Variants in OTOF observed in about 807,000 individuals in gnomAD.
The protein encoded by OTOF is otoferlin.
A neutral mutation model predicts 236.8 loss-of-function variants in OTOF; 218 were observed. The observed-to-expected ratio is 0.92, with a 90% CI of 0.82 to 1.03. OTOF has a LOEUF of 1.03. Among genes scored for constraint, OTOF ranks in the 50% least tolerant of loss-of-function variants. The pLI, the probability that OTOF is intolerant of heterozygous loss-of-function variation, is 0.00. For synonymous variants in OTOF, 1,041 were observed against 1,072.5 expected, an observed-to-expected ratio of 0.97 and a Z score of 0.57; for missense variants, 2,590 against 2,694.4, an observed-to-expected ratio of 0.96 and a Z score of 0.86.
rs111033350 is a variant in OTOF, at chr2:26,480,975, G to T, written c.1614C>A (p.Asn538Lys). The change falls in exon 15 of 47, where the codon AAC becomes AAA. Residue 538 changes from asparagine to lysine, a missense_variant. Asn to Lys is a moderately conservative substitution (Grantham distance 94, BLOSUM62 0). Coordinates refer to ENST00000272371, the MANE Select transcript of OTOF (RefSeq NM_194248.3). ...FLPTLGPAWV[N>K]MYGSTRNYTL... is the part of the protein sequence containing the mutation. ...TGTAGTTACGTGTGGAGCCGTACAT[G>T]TTCACCCAGGCTGGGCCCAGTGTGG... 1.2e-6 allele frequency: 2 copies of T among 1,609,072 alleles called. No homozygotes were observed. The highest frequency in any genetic ancestry group is 2.7e-5 in the African/African-American group (2 of 73,578).
chr2:26,498,717 G>A (rs1028700200), intron 8 of OTOF, among the ~76,000 whole-genome samples: 1 of 152,150 alleles, frequency 6.6e-6, no homozygotes, highest in Non-Finnish European at 1.5e-5. Flanking sequence ...CCCTGTCCTG[G>A]GAAAACCCGA....
chr2:26,460,742 C>T lies in OTOF; in HGVS notation c.5718G>A (p.Lys1906=), dbSNP rs1435262691. The change falls in exon 45 of 47, where the codon AAG becomes AAA. Residue 1906 remains lysine (K), a synonymous_variant. Coordinates refer to ENST00000272371, the MANE Select transcript of OTOF (RefSeq NM_194248.3). This position sits in a 1 kb window ranked among gnomAD's most constrained non-coding sequence, Gnocchi z 5.3. ...NENDEFELTG[K]VEAELHLLTA... is the part of the protein sequence containing the mutation. ...TCAGTAAATGCAGCTCAGCCTCCAC[C>T]TTGCCCTGCAGAGGACAGACAGGTC... is the stretch of plus-strand genomic sequence containing the variant. The T allele has an allele frequency of 1.9e-6, 3 of 1,613,970 alleles. No individual in the cohort carries two copies. The highest frequency in any genetic ancestry group is 1.6e-4 in the Middle Eastern group (1 of 6,084).
At chr2:26,523,806 G>C (rs367931092) in intron 3 of OTOF, among the ~76,000 whole-genome samples, 3 of 152,334 alleles carry the variant, frequency 2.0e-5, no homozygotes, top group African/African-American at 7.2e-5. Flanking sequence ...CCACTCAGCT[G>C]CCCCATGAGA....
In OTOF at chr2:26,464,298, C is replaced by G. The variant is rs79562850; in HGVS notation, c.4961-192G>C. Among the ~76,000 whole-genome samples the G allele has an allele frequency of 6.6e-5, 10 of 152,148 alleles. No homozygotes were observed. In the East Asian group the frequency reaches 1.9e-3, roughly 29 times the overall value. On this transcript the variant is annotated intron_variant, in intron 39 of 46. Transcript: ENST00000272371. The stretch of plus-strand genomic sequence containing the variant: ...CCAGGGTCTCAGCTGCCCCACAGGG[C>G]CAAGAGAGGTCTGTGCCCTTGGTCC...
chr2:26,485,250 C>T (rs979070925), intron 11 of OTOF, among the ~76,000 whole-genome samples: 2 of 152,224 alleles, frequency 1.3e-5, no homozygotes, highest in African/African-American at 2.4e-5. Flanking sequence ...TCCACCTCCA[C>T]CTGTCTTTCT....
At position 26,465,692 on chromosome 2, in the gene OTOF, G is replaced by A. The variant is rs1664691119; in HGVS notation, c.4779C>T (p.Gly1593=). ...RFYSKHRATC[G]IAQTYSTHGY... is the part of the protein sequence containing the mutation. ...CATACGTGGAGTAGGTCTGGGCGAT[G>A]CCGCAGGTGGCGCGGTGCTTGCTGT... The change falls in exon 38 of 47, where the codon GGC becomes GGT. Residue 1593 remains glycine (G), a synonymous_variant. Transcript: ENST00000272371. The A allele has an allele frequency of 6.2e-7, 1 of 1,614,286 alleles. No homozygotes were observed. The highest frequency in any genetic ancestry group is 2.2e-5 in the East Asian group (1 of 44,894).
At chr2:26,544,003 G>C (rs1039771475) in intron 1 of OTOF, among the ~76,000 whole-genome samples, 1 of 152,232 alleles carries the variant, frequency 6.6e-6, no homozygotes, top group Non-Finnish European at 1.5e-5. Flanking sequence ...TTATAGGCGT[G>C]GGCCACTGCG....
chr2:26,489,743 G>A lies in OTOF; in HGVS notation c.898-3C>T, dbSNP rs531357634. ...ACATGGAAGTCGAAGACGAAGTACT[G>A]GAGGGGGAAGGATCCAGGCCTGCTG... is the stretch of plus-strand genomic sequence containing the variant. On this transcript the variant is annotated splice_region_variant and splice_polypyrimidine_tract_variant and intron_variant, in intron 9 of 46. Coordinates refer to ENST00000272371, the MANE Select transcript of OTOF (RefSeq NM_194248.3). 59 of 1,611,436 alleles carry A rather than the reference G, an allele frequency of 3.7e-5. No homozygotes were observed. The highest frequency in any genetic ancestry group is 4.8e-5 in the Non-Finnish European group (57 of 1,178,718).
At chr2:26,497,409 G>A (rs908768024) in intron 8 of OTOF, among the ~76,000 whole-genome samples, 1 of 152,134 alleles carries the variant, frequency 6.6e-6, no homozygotes, top group African/African-American at 2.4e-5. Context: ...CTTCTAATGC[G>A]ACTCCGAAGG....
chr2:26,535,994 G>C (rs1415946646), intron 2 of OTOF, among the ~76,000 whole-genome samples: 1 of 152,212 alleles, frequency 6.6e-6, no homozygotes, highest in Admixed American at 6.5e-5. Context: ...ATATCCCCTG[G>C]GAGTCTTGGG....
In OTOF at chr2:26,477,548, A is replaced by AG. The variant is rs764241283; in HGVS notation, c.2316-43dup. The AG allele has an allele frequency of 6.9e-5, 110 of 1,594,300 alleles. No homozygotes were observed. The highest frequency in any genetic ancestry group is 8.9e-5 in the Non-Finnish European group (104 of 1,168,480). Reference sequence around the variant, plus strand: ...CCGGGGTTTAGCGAGCCTGACCAGCAGGGGCTCTGTAGATTCTTCCTCATC... The same window carrying AG: ...CCGGGGTTTAGCGAGCCTGACCAGCAGGGGGCTCTGTAGATTCTTCCTCATC... On this transcript the variant is annotated intron_variant, in intron 19 of 46. Coordinates refer to ENST00000272371, the MANE Select transcript of OTOF (RefSeq NM_194248.3). This position sits in a 1 kb window ranked among gnomAD's most constrained non-coding sequence, Gnocchi z 4.7.
chr2:26,556,829 C>T (rs891017453), intron 1 of OTOF, among the ~76,000 whole-genome samples: 1 of 152,238 alleles, frequency 6.6e-6, no homozygotes, highest in East Asian at 1.9e-4. Context: ...TCCAGCACAG[C>T]TGCAGCAGGA....
At position 26,539,506 on chromosome 2, in the gene OTOF, C is replaced by T. The variant is rs530236089; in HGVS notation, c.80-1732G>A. ...ATCCCAGCAATTTGGGAGGCCGAGG[C>T]GGGCGGATCACCTGAGGTCGGGAGT... is the stretch of plus-strand genomic sequence containing the variant. On this transcript the variant is annotated intron_variant, in intron 1 of 46. Transcript: ENST00000272371. Among the ~76,000 whole-genome samples the T allele has an allele frequency of 5.3e-3, 804 of 152,296 alleles. 3 individuals carry two copies. The highest frequency in any genetic ancestry group is 8.8e-3 in the Non-Finnish European group (599 of 68,012).
At chr2:26,480,691 G>T in intron 15 of OTOF, 95 bp downstream of exon 15, 1 of 1,020,948 alleles carries the variant, frequency 9.8e-7, no homozygotes, top group Non-Finnish European at 1.5e-6. Flanking sequence ...CAGGTAGACA[G>T]GGCAGCAACA....
At chr2:26,518,139 G>A (rs1039171720) in intron 4 of OTOF, among the ~76,000 whole-genome samples, 3 of 152,162 alleles carry the variant, frequency 2.0e-5, no homozygotes, top group South Asian at 2.1e-4. Flanking sequence ...CCACTACATA[G>A]GGCCATATAT....
chr2:26,482,993 G>GTGCA (rs1665598072), intron 13 of OTOF, among the ~76,000 whole-genome samples: 1 of 47,310 alleles, frequency 2.1e-5, no homozygotes, highest in Non-Finnish European at 4.4e-5. Context: ...GTGTGAGTGG[G>GTGCA]TGCATGTGTG....
intron 3 of OTOF, among the ~76,000 whole-genome samples, chr2:26,520,140 G>A (rs1388376800): frequency 6.6e-6 from 1 of 152,174 alleles, no homozygotes; most frequent in Non-Finnish European, 1.5e-5. Context: ...GTTCTTACAT[G>A]GTGCTTCCAC....
chr2:26,512,214 A>G (rs1666408820), intron 5 of OTOF, among the ~76,000 whole-genome samples: 1 of 152,116 alleles, frequency 6.6e-6, no homozygotes, highest in South Asian at 2.1e-4. Context: ...AAATGAGAAG[A>G]GGAGATAGTC....
In OTOF at chr2:26,467,120, CTCCTCCTCGGTGGAGCCA is replaced by C; in HGVS notation, c.4323_4340del (p.Asp1441_Glu1446del). ...TGACCTTGAAGCGTCCCACAATGCG[CTCCTCCTCGGTGGAGCCA>C]TCCTCATCATCCCCGGTCTTGCCCC... is the stretch of plus-strand genomic sequence containing the variant. On this transcript the variant is annotated inframe_deletion, in exon 35 of 47. Transcript: ENST00000272371. The C allele has an allele frequency of 8.1e-6, 13 of 1,613,820 alleles. No individual in the cohort carries two copies. The highest frequency in any genetic ancestry group is 8.5e-6 in the Non-Finnish European group (10 of 1,180,028).
Sources: gnomAD v4.1 joint callset for allele counts (sites outside exome capture counted in the v4.1 genomes callset) on GRCh38, gnomAD v4.1.1 for gene constraint, Gnocchi (gnomAD v3.1) non-coding constraint, MANE v1.5 for transcripts, NCBI Gene and HGNC (gene_info 2026-07-23, HGNC 2026-07-21) for gene names.